Variants in DLC1 observed in about 807,000 individuals in gnomAD.
DLC1 encodes DLC1 Rho GTPase activating protein, also known as rho GTPase-activating protein 7.
Under a neutral mutation model 140.3 loss-of-function variants are expected in DLC1, and 54 were observed. That is an observed-to-expected ratio of 0.38 (90% CI 0.31 to 0.48). DLC1 has a LOEUF of 0.48. DLC1 is among the 20% of genes least tolerant of loss of function. DLC1 has a pLI of 0.96. For missense variants in DLC1, 2,536 were observed against 1,907.0 expected (o/e 1.33, Z -6.14); for synonymous variants, 986 against 728.1 (o/e 1.35, Z -5.70).
At position 13,090,439 on chromosome 8, in the gene DLC1, G is replaced by C. The variant is rs745565680; in HGVS notation, c.3887C>G (p.Ser1296Cys). The C allele has an allele frequency of 3.7e-6, 6 of 1,614,136 alleles. No individual in the cohort carries two copies. Among genetic ancestry groups the C allele is most frequent in the Non-Finnish European group, 5.1e-6 (6 of 1,180,040 alleles). ...GGGCTTCAGCTCTTGTTCGGTATAG[G>C]AATTACGACATCGGCTCATTTCCTC... is the stretch of plus-strand genomic sequence containing the variant. Reference protein sequence around the residue: ...VPEEMSRCRNSYTEQELKPLT... With the variant: ...VPEEMSRCRNCYTEQELKPLT... Residue 1296 changes from serine to cysteine, a missense_variant, in exon 15 of 18, where the codon TCC becomes TGC. By Grantham distance (112) the Ser-to-Cys change is moderately radical. Transcript: ENST00000276297.
At chr8:13,473,432 G>T (rs553716383) in intron 2 of DLC1, among the ~76,000 whole-genome samples, 1 of 152,282 alleles carries the variant, frequency 6.6e-6, no homozygotes, top group East Asian at 1.9e-4. Context: ...ATCCATCTAA[G>T]ATGTGACTTG....
intron 5 of DLC1, among the ~76,000 whole-genome samples, chr8:13,159,785 G>T (rs1824537809): frequency 6.6e-6 from 1 of 151,426 alleles, no homozygotes; most frequent in Non-Finnish European, 1.5e-5. Context: ...GGGAGTGTGT[G>T]AATCTGAAGG....
chr8:13,353,158 C>G (rs1056040617), intron 4 of DLC1, among the ~76,000 whole-genome samples: 1 of 152,128 alleles, frequency 6.6e-6, no homozygotes, highest in Non-Finnish European at 1.5e-5. Context: ...GCAAATGAGG[C>G]AGGTTAGAGA....
At chr8:13,361,179 C>T (rs1462172265) in intron 4 of DLC1, among the ~76,000 whole-genome samples, 1 of 152,024 alleles carries the variant, frequency 6.6e-6, no homozygotes, top group African/African-American at 2.4e-5. Context: ...CTGCAGTGAG[C>T]CTTAATTATA....
chr8:13,085,747 A>C lies in DLC1; in HGVS notation c.*64T>G, dbSNP rs996973217. ...GATTAGACACAGAACCCATTCTTCA[A>C]GGACTGGCAAAAGTTCTAGAAACAA... On this transcript the variant is annotated 3_prime_UTR_variant, in exon 18 of 18. Coordinates refer to ENST00000276297, the MANE Select transcript of DLC1 (RefSeq NM_182643.3). 18 of 1,607,092 alleles carry C rather than the reference A, an allele frequency of 1.1e-5. No homozygotes were observed. In the East Asian group the frequency reaches 3.8e-4, roughly 34 times the overall value.
intron 5 of DLC1, among the ~76,000 whole-genome samples, chr8:13,209,251 A>G (rs1827822240): frequency 6.6e-6 from 1 of 152,152 alleles, no homozygotes; most frequent in African/African-American, 2.4e-5. Flanking sequence ...AAATCTATAG[A>G]TAGATATCTA....
chr8:13,344,899 C>T (rs893083371), intron 4 of DLC1, among the ~76,000 whole-genome samples: 2 of 152,074 alleles, frequency 1.3e-5, no homozygotes, highest in Non-Finnish European at 2.9e-5. Context: ...CACTTTTAAC[C>T]TAATAAGTTT....
chr8:13,536,900 C>T (rs1242599290), intron 1 of DLC1, among the ~76,000 whole-genome samples: 1 of 152,042 alleles, frequency 6.6e-6, no homozygotes, highest in Admixed American at 6.6e-5. Context: ...GTAATCTGTT[C>T]CAAAATTACT....
At position 13,162,466 on chromosome 8, in the gene DLC1, G is replaced by A. The variant is rs188803826; in HGVS notation, c.1349-46809C>T. Among the ~76,000 whole-genome samples the A allele has an allele frequency of 1.8e-3, 278 of 152,254 alleles. 1 individual carries two copies. The highest frequency in any genetic ancestry group is 6.0e-3 in the African/African-American group (249 of 41,556). ...GCCTTCTGAGTAGCTGGGATTACAG[G>A]TGCCTGCCACCAAACCCGGCTAATT... On this transcript the variant is annotated intron_variant, in intron 5 of 17. Transcript: ENST00000276297.
intron 4 of DLC1, among the ~76,000 whole-genome samples, chr8:13,388,733 T>C (rs917624761): frequency 8.6e-5 from 13 of 152,034 alleles, no homozygotes; most frequent in Non-Finnish European, 1.6e-4. Context: ...ATCTATTTTA[T>C]ATGTATACAT....
At chr8:13,255,330 C>G (rs973069743) in intron 5 of DLC1, among the ~76,000 whole-genome samples, 5 of 152,068 alleles carry the variant, frequency 3.3e-5, no homozygotes, top group Non-Finnish European at 7.4e-5. Flanking sequence ...AGACCTATAC[C>G]TCATTGTAAT....
chr8:13,440,797 C>A (rs1406601399), intron 2 of DLC1, among the ~76,000 whole-genome samples: 1 of 152,104 alleles, frequency 6.6e-6, no homozygotes, highest in Non-Finnish European at 1.5e-5. Flanking sequence ...TCTGCATTTG[C>A]TTCTTCCTCA....
intron 4 of DLC1, among the ~76,000 whole-genome samples, chr8:13,361,154 C>A (rs1835208055): frequency 6.6e-6 from 1 of 152,002 alleles, no homozygotes; most frequent in Non-Finnish European, 1.5e-5. Flanking sequence ...ATCACCTGAG[C>A]CAGGGAGGTT....
At chr8:13,116,999 A>G (rs1412044119) in intron 5 of DLC1, among the ~76,000 whole-genome samples, 1 of 152,240 alleles carries the variant, frequency 6.6e-6, no homozygotes, top group African/African-American at 2.4e-5. Context: ...TACACTGAAT[A>G]AAAGTGTAGA....
chr8:13,361,848 A>G (rs1339673070), intron 4 of DLC1, among the ~76,000 whole-genome samples: 3 of 152,174 alleles, frequency 2.0e-5, no homozygotes, highest in African/African-American at 7.2e-5. Context: ...TACATATATC[A>G]ATAATCTTCT....
Position 13,476,022 on chromosome 8 carries a change from T to C in DLC1, c.1023+23027A>G, listed in dbSNP as rs920586661. Among the ~76,000 whole-genome samples the C allele has an allele frequency of 9.8e-5, 15 of 152,332 alleles. No individual in the cohort carries two copies. In the East Asian group the frequency reaches 2.3e-3, roughly 23 times the overall value. ...CCACAAGATAATGTTTACCATTTCT[T>C]AGGGCATAGGAGAAGTAAGTAGGTT... On this transcript the variant is annotated intron_variant, in intron 2 of 17. Coordinates refer to ENST00000276297, the MANE Select transcript of DLC1 (RefSeq NM_182643.3).
chr8:13,196,946 A>G (rs746286541), intron 5 of DLC1, among the ~76,000 whole-genome samples: 10 of 152,130 alleles, frequency 6.6e-5, no homozygotes, highest in Non-Finnish European at 1.0e-4. Context: ...TTTTTTCTTG[A>G]CTTGGGTCTT....
chr8:13,567,464 C>T (rs545463530), intron 1 of DLC1: 13 of 1,552,104 alleles, frequency 8.4e-6, no homozygotes, highest in Admixed American at 2.0e-5. Context: ...GATGTAGAGG[C>T]TTCAGAGAGA....
At chr8:13,161,487 C>T (rs113756808) in intron 5 of DLC1, among the ~76,000 whole-genome samples, 7,137 of 152,136 alleles carry the variant, frequency 0.047, 374 homozygotes, top group African/African-American at 0.12. Flanking sequence ...ACTACAGGCA[C>T]GCACCACCAC....
Sources: gnomAD v4.1 joint callset for allele counts (sites outside exome capture counted in the v4.1 genomes callset) on GRCh38, gnomAD v4.1.1 for gene constraint, MANE v1.5 for transcripts, NCBI Gene and HGNC (gene_info 2026-07-23, HGNC 2026-07-21) for gene names.